Variants in SLC68A1 observed in about 807,000 individuals in gnomAD.
SLC68A1 encodes major facilitator superfamily domain containing 13A.
chr10:102,470,211 T>G, the SLC68A1 span: 8 of 826,440 alleles, frequency 9.7e-6, no homozygotes, highest in Middle Eastern at 1.8e-3. Context: ...CTTCCCTTAC[T>G]GGGGTCCAGG....
chr10:102,469,222 C>T, the SLC68A1 span: 1 of 1,612,174 alleles, frequency 6.2e-7, no homozygotes, highest in Non-Finnish European at 8.5e-7. Context: ...GGGTGGCTAA[C>T]ATGGAGGAGG....
chr10:102,464,295 AC>A, the SLC68A1 span, among the ~76,000 whole-genome samples: 1 of 152,170 alleles, frequency 6.6e-6, no homozygotes, highest in Non-Finnish European at 1.5e-5. Context: ...TACAAAAAAT[AC>A]AAAAATTAGC....
At chr10:102,469,073 C>G in the SLC68A1 span, 4 of 1,614,112 alleles carry the variant, frequency 2.5e-6, no homozygotes, top group South Asian at 4.4e-5. Flanking sequence ...GGTCTGCCCA[C>G]AGCTGTGGTC....
the SLC68A1 span, chr10:102,476,188 C>T: frequency 1.2e-4 from 114 of 912,482 alleles, no homozygotes; most frequent in African/African-American, 1.7e-3. Flanking sequence ...CTGCCTCAGC[C>T]TCCCGAGTAG....
the SLC68A1 span, among the ~76,000 whole-genome samples, chr10:102,473,383 C>T: frequency 6.6e-6 from 1 of 152,020 alleles, no homozygotes; most frequent in Non-Finnish European, 1.5e-5. Flanking sequence ...CTTTCTCATC[C>T]GTAAAGTGGG....
chr10:102,469,824 C>G, the SLC68A1 span: 1 of 985,268 alleles, frequency 1.0e-6, no homozygotes, highest in Non-Finnish European at 1.2e-6. Flanking sequence ...TGGTGTGAGC[C>G]ACCAGCGCCT....
chr10:102,471,980 G>A, the SLC68A1 span: 46 of 455,560 alleles, frequency 1.0e-4, no homozygotes, highest in Middle Eastern at 1.3e-3. Flanking sequence ...GCCCCCTTTG[G>A]GGACCCTCTA....
the SLC68A1 span, among the ~76,000 whole-genome samples, chr10:102,474,641 T>G: frequency 6.6e-6 from 1 of 151,918 alleles, no homozygotes; most frequent in South Asian, 2.1e-4. Context: ...AGGGTTTTAT[T>G]TTTATTTATT....
chr10:102,475,676 G>A, the SLC68A1 span: 9 of 1,536,370 alleles, frequency 5.9e-6, no homozygotes, highest in Non-Finnish European at 7.9e-6. Flanking sequence ...CCAAGGCTTG[G>A]AGGACAGTGG....
chr10:102,473,723 T>C, the SLC68A1 span: 6 of 1,613,700 alleles, frequency 3.7e-6, no homozygotes, highest in Non-Finnish European at 5.1e-6. Context: ...CTCAGCCTGC[T>C]GTGCCTCTTC....
the SLC68A1 span, among the ~76,000 whole-genome samples, chr10:102,467,540 C>A: frequency 5.9e-5 from 9 of 152,256 alleles, no homozygotes; most frequent in African/African-American, 2.2e-4. Context: ...AAAAGAAATG[C>A]ATTTTCTTCA....
the SLC68A1 span, among the ~76,000 whole-genome samples, chr10:102,464,061 G>A: frequency 3.4e-3 from 514 of 152,260 alleles, 5 homozygotes; most frequent in African/African-American, 0.012. Context: ...GCCCCAGCTG[G>A]TCTCTAACTT....
chr10:102,476,098 C>CTTTTT, the SLC68A1 span: 1 of 1,272,928 alleles, frequency 7.9e-7, no homozygotes, highest in Non-Finnish European at 9.9e-7. Context: ...TTTTTTGGAG[C>CTTTTT]TGTTGCCCAA....
the SLC68A1 span, chr10:102,468,230 T>C: frequency 3.3e-5 from 5 of 152,362 alleles, no homozygotes; most frequent in Admixed American, 2.0e-4. Flanking sequence ...TGAGTTACCT[T>C]GTTTAATCCT....
chr10:102,471,549 CAG>C, the SLC68A1 span, among the ~76,000 whole-genome samples: 1 of 152,106 alleles, frequency 6.6e-6, no homozygotes. Context: ...CACTTGAGGA[CAG>C]GGGTTCGAGA....
the SLC68A1 span, chr10:102,470,089 G>A: frequency 3.7e-6 from 6 of 1,612,642 alleles, no homozygotes; most frequent in East Asian, 6.7e-5. Flanking sequence ...GGTGTATTGG[G>A]AACAGCTCGT....
chr10:102,466,584 A>G, the SLC68A1 span, among the ~76,000 whole-genome samples: 1 of 152,010 alleles, frequency 6.6e-6, no homozygotes, highest in Non-Finnish European at 1.5e-5. Flanking sequence ...CACTCTTAGT[A>G]GGAAGTACAG....
At chr10:102,474,405 G>A in the SLC68A1 span, among the ~76,000 whole-genome samples, 1,414 of 152,228 alleles carry the variant, frequency 9.3e-3, 19 homozygotes, top group African/African-American at 0.032. Flanking sequence ...GTGAGATGGC[G>A]TGACCAAGAA....
chr10:102,470,067 C>T, the SLC68A1 span: 23 of 1,614,024 alleles, frequency 1.4e-5, no homozygotes, highest in Non-Finnish European at 1.9e-5. Context: ...TCCTCAGCTC[C>T]CAGCCCCGGT....
Sources: gnomAD v4.1 joint callset for allele counts (sites outside exome capture counted in the v4.1 genomes callset) on GRCh38, gnomAD v4.1.1 for gene constraint, MANE v1.5 for transcripts, NCBI Gene and HGNC (gene_info 2026-07-23, HGNC 2026-07-21) for gene names.